Variants in FBXO11 observed in about 807,000 individuals in gnomAD.
The protein encoded by FBXO11 is F-box protein 11, also known as F-box only protein 11.
FBXO11 carries 13 observed loss-of-function variants against 117.0 expected under a neutral mutation model. The ratio of observed to expected loss-of-function variants is 0.11; its 90% CI spans 0.07 to 0.18. The LOEUF is 0.18. Ranked by LOEUF, FBXO11 falls within the 10% of genes least tolerant of loss-of-function variation. FBXO11 has a pLI of 1.00. For missense variants in FBXO11, 767 were observed against 1,164.4 expected, an observed-to-expected ratio of 0.66 and a Z score of 4.97; for synonymous variants, 490 against 380.5, an observed-to-expected ratio of 1.29 and a Z score of -3.35.
At chr2:47,872,724 A>T (rs1285737040) in intron 1 of FBXO11, among the ~76,000 whole-genome samples, 1 of 152,214 alleles carries the variant, frequency 6.6e-6, no homozygotes. Context: ...CTGACATGGG[A>T]TATCACTACA....
chr2:47,809,583 A>T lies in FBXO11; in HGVS notation c.2446+17T>A. On this transcript the variant is annotated intron_variant, in intron 20 of 22. Coordinates refer to ENST00000403359, the MANE Select transcript of FBXO11 (RefSeq NM_001190274.2). The stretch of plus-strand genomic sequence containing the variant: ...GCATATTGCATATATTTATAGGTAT[A>T]GCAGACTCCAACATACCTTTCATTG... 6.5e-7 allele frequency: 1 copy of T among 1,543,006 alleles called. No homozygotes were observed. The highest frequency in any genetic ancestry group is 9.0e-7 in the Non-Finnish European group (1 of 1,116,918).
intron 11 of FBXO11, among the ~76,000 whole-genome samples, chr2:47,824,344 T>G (rs1671593157): frequency 6.6e-6 from 1 of 151,926 alleles, no homozygotes; most frequent in Non-Finnish European, 1.5e-5. Flanking sequence ...AAAACAAAAT[T>G]AGCCAGGTGT....
At chr2:47,850,621 A>C (rs1673788178) in intron 1 of FBXO11, among the ~76,000 whole-genome samples, 1 of 152,234 alleles carries the variant, frequency 6.6e-6, no homozygotes, top group Admixed American at 6.5e-5. Context: ...CAGATTCATG[A>C]ATTTGAAATG....
chr2:47,812,241 T>C (rs1369048114), intron 18 of FBXO11, among the ~76,000 whole-genome samples: 1 of 152,244 alleles, frequency 6.6e-6, no homozygotes, highest in African/African-American at 2.4e-5. Flanking sequence ...ATGGATGTGC[T>C]GTTTCATTTA....
At position 47,885,061 on chromosome 2, in the gene FBXO11, T is replaced by G. The variant is rs530676426; in HGVS notation, c.232+20428A>C. The stretch of plus-strand genomic sequence containing the variant: ...GACAGTGAATAAGATGAACTTACTA[T>G]GTAAAACATTATCAAATAAATATTA... On this transcript the variant is annotated intron_variant, in intron 1 of 22. Transcript: ENST00000403359. 2.6e-5 allele frequency among the ~76,000 whole-genome samples: 4 copies of G among 152,334 alleles called. No individual in the cohort carries two copies. The East Asian group carries it at 7.7e-4, about 29-fold the overall frequency.
chr2:47,856,406 C>T (rs538001224), intron 1 of FBXO11, among the ~76,000 whole-genome samples: 4 of 151,846 alleles, frequency 2.6e-5, no homozygotes, highest in Non-Finnish European at 5.9e-5. Context: ...AGGAAAGCAA[C>T]AAAGAGAAGG....
At chr2:47,871,436 G>C (rs1196684166) in intron 1 of FBXO11, among the ~76,000 whole-genome samples, 4 of 152,184 alleles carry the variant, frequency 2.6e-5, no homozygotes, top group African/African-American at 7.2e-5. Context: ...ATGAGACTTT[G>C]ATAAAGATGT....
chr2:47,866,556 C>T (rs1240216349), intron 1 of FBXO11, among the ~76,000 whole-genome samples: 1 of 151,644 alleles, frequency 6.6e-6, no homozygotes, highest in Non-Finnish European at 1.5e-5. Context: ...TCACTGCAAA[C>T]TCCGCCTCTC....
At chr2:47,852,409 T>C (rs761197434) in intron 1 of FBXO11, among the ~76,000 whole-genome samples, 42 of 152,202 alleles carry the variant, frequency 2.8e-4, no homozygotes, top group Non-Finnish European at 5.1e-4. Context: ...TTTGTGGTAC[T>C]GCAACATGAT....
intron 1 of FBXO11, among the ~76,000 whole-genome samples, chr2:47,897,310 T>C (rs1415798243): frequency 6.6e-6 from 1 of 152,212 alleles, no homozygotes; most frequent in Non-Finnish European, 1.5e-5. Flanking sequence ...CAGCAAAGGC[T>C]AAACTGATTC....
At chr2:47,834,984 T>A in intron 5 of FBXO11, 113 bp from the exon 6 acceptor site, 1 of 739,700 alleles carries the variant, frequency 1.4e-6, no homozygotes, top group Non-Finnish European at 2.2e-6. Context: ...AATTCTCAAC[T>A]ATTCCAAATA....
chr2:47,832,040 T>C (rs1672233593), intron 11 of FBXO11, among the ~76,000 whole-genome samples: 1 of 152,190 alleles, frequency 6.6e-6, no homozygotes, highest in Non-Finnish European at 1.5e-5. Flanking sequence ...AGGAATTTTC[T>C]TTAAAACAGA....
intron 1 of FBXO11, among the ~76,000 whole-genome samples, chr2:47,898,959 A>G (rs1444613467): frequency 6.6e-6 from 1 of 151,974 alleles, no homozygotes. Flanking sequence ...AAAAAAAAAA[A>G]GTAATAAAAT....
At chr2:47,905,085 C>G (rs1385804187) in intron 1 of FBXO11, 1 of 156,246 alleles carries the variant, frequency 6.4e-6, no homozygotes, top group Non-Finnish European at 1.4e-5. Context: ...GTCGCTCCCC[C>G]CACCTACCAC....
At chr2:47,856,286 T>C (rs1277793753) in intron 1 of FBXO11, among the ~76,000 whole-genome samples, 1 of 152,170 alleles carries the variant, frequency 6.6e-6, no homozygotes, top group African/African-American at 2.4e-5. Flanking sequence ...ATAAAGTTAA[T>C]CTTCTCCACA....
At chr2:47,829,216 T>C (rs1277021927) in intron 11 of FBXO11, among the ~76,000 whole-genome samples, 1 of 151,410 alleles carries the variant, frequency 6.6e-6, no homozygotes, top group African/African-American at 2.4e-5. Context: ...TATAGTTATT[T>C]GGCACTGCTA....
chr2:47,813,513 C>A (rs993778528), intron 17 of FBXO11, 136 bp from the exon 18 acceptor site: 9 of 604,184 alleles, frequency 1.5e-5, no homozygotes, highest in African/African-American at 4.3e-5. Context: ...CTCACTGCAA[C>A]CTCCACCTCC....
intron 13 of FBXO11, 98 bp downstream of exon 13, chr2:47,822,120 T>C: frequency 1.2e-6 from 1 of 801,522 alleles, no homozygotes; most frequent in South Asian, 1.6e-5. Context: ...GCTGGATCAG[T>C]GCTTCCACTT....
chr2:47,869,337 C>T lies in FBXO11; in HGVS notation c.233-29568G>A, dbSNP rs143814045. Among the ~76,000 whole-genome samples, 188 of 152,306 alleles carry T rather than the reference C, an allele frequency of 1.2e-3. 1 individual carries two copies. The highest frequency in any genetic ancestry group is 4.3e-3 in the African/African-American group (179 of 41,572). Reference sequence around the variant, plus strand: ...ACTGCCACCTGGCCATTTTGGACTCCTTATGCCTTTGAATCAACTGGCAAA... The same window carrying T: ...ACTGCCACCTGGCCATTTTGGACTCTTTATGCCTTTGAATCAACTGGCAAA... On this transcript the variant is annotated intron_variant, in intron 1 of 22. Coordinates refer to ENST00000403359, the MANE Select transcript of FBXO11 (RefSeq NM_001190274.2).
Sources: gnomAD v4.1 joint callset for allele counts (sites outside exome capture counted in the v4.1 genomes callset) on GRCh38, gnomAD v4.1.1 for gene constraint, MANE v1.5 for transcripts, NCBI Gene and HGNC (gene_info 2026-07-23, HGNC 2026-07-21) for gene names.